MMS22L: variants seen among roughly 807,000 people sequenced by gnomAD.
MMS22L encodes protein MMS22-like.
A neutral mutation model predicts 159.1 loss-of-function variants in MMS22L; 74 were observed. The ratio of observed to expected loss-of-function variants is 0.47; its 90% CI spans 0.39 to 0.56. The LOEUF (loss-of-function observed/expected upper bound fraction) is 0.56. Ranked by LOEUF, MMS22L falls within the 20% of genes least tolerant of loss-of-function variation. The pLI is 0.00. For missense variants in MMS22L, 1,351 were observed against 1,422.1 expected, an observed-to-expected ratio of 0.95 and a Z score of 0.80; for synonymous variants, 517 against 506.9, an observed-to-expected ratio of 1.02 and a Z score of -0.27.
rs546162468 is a variant in MMS22L, at chr6:97,196,218, C to T, written c.2040-9528G>A. On this transcript the variant is annotated intron_variant, in intron 14 of 24. Coordinates refer to ENST00000683635, the MANE Select transcript of MMS22L (RefSeq NM_001350599.2). Reference sequence around the variant, plus strand: ...TTTCAAAGAATGTACAGTTAAGTGCCGAGACAGAGGTATGTAAAGAGTAAA... The same window carrying T: ...TTTCAAAGAATGTACAGTTAAGTGCTGAGACAGAGGTATGTAAAGAGTAAA... 4.0e-5 allele frequency among the ~76,000 whole-genome samples: 6 copies of T among 151,656 alleles called. No individual in the cohort carries two copies. In the South Asian group the frequency reaches 8.4e-4, roughly 21 times the overall value.
intron 13 of MMS22L, 24 bp downstream of exon 13, chr6:97,231,402 C>T: frequency 6.6e-7 from 1 of 1,526,682 alleles, no homozygotes; most frequent in Non-Finnish European, 9.1e-7. Context: ...AGTGCACACT[C>T]ATGACAGAAG....
At chr6:97,253,981 G>C (rs1167175699) in intron 10 of MMS22L, 1 of 152,286 alleles carries the variant, frequency 6.6e-6, no homozygotes, top group Admixed American at 6.5e-5. Flanking sequence ...ACATCTGTTA[G>C]CTGATTTTAT....
chr6:97,246,327 T>C (rs929001678), intron 11 of MMS22L, among the ~76,000 whole-genome samples: 27 of 152,194 alleles, frequency 1.8e-4, no homozygotes, highest in Admixed American at 9.2e-4. Flanking sequence ...TCCCTCATTG[T>C]GTCACCTAGT....
chr6:97,216,361 C>G (rs2127962648), intron 14 of MMS22L, among the ~76,000 whole-genome samples: 1 of 151,940 alleles, frequency 6.6e-6, no homozygotes, highest in South Asian at 2.1e-4. Context: ...CCCTCACTGT[C>G]ATATTACATC....
At chr6:97,172,182 A>G (rs904542272) in intron 19 of MMS22L, among the ~76,000 whole-genome samples, 2 of 152,126 alleles carry the variant, frequency 1.3e-5, no homozygotes, top group Non-Finnish European at 2.9e-5. Flanking sequence ...TTTACTATTA[A>G]ACTTATAAAT....
intron 15 of MMS22L, among the ~76,000 whole-genome samples, chr6:97,183,695 G>A (rs1582507301): frequency 6.6e-6 from 1 of 152,204 alleles, no homozygotes; most frequent in African/African-American, 2.4e-5. Flanking sequence ...CCACATTTAC[G>A]CAGTTGCCTT....
intron 14 of MMS22L, among the ~76,000 whole-genome samples, chr6:97,196,610 G>C (rs2128294332): frequency 6.6e-6 from 1 of 152,228 alleles, no homozygotes; most frequent in Non-Finnish European, 1.5e-5. Context: ...CTGGAAATGA[G>C]AGAAAACCAA....
rs1805671539 is a variant in MMS22L, at chr6:97,189,716, T to A, written c.2040-3026A>T. Among the ~76,000 whole-genome samples, 4 of 151,934 alleles carry A rather than the reference T, an allele frequency of 2.6e-5. No individual in the cohort carries two copies. In the South Asian group the frequency reaches 8.3e-4, roughly 32 times the overall value. On this transcript the variant is annotated intron_variant, in intron 14 of 24. Transcript: ENST00000683635. ...AGACACTGACCCCAAACCACACTTG[T>A]GTTGGAAATGTGCACCCACTTTGTG...
intron 22 of MMS22L, among the ~76,000 whole-genome samples, chr6:97,160,860 C>T (rs902649499): frequency 1.3e-5 from 2 of 151,930 alleles, no homozygotes; most frequent in African/African-American, 4.8e-5. Context: ...ATTCTTTCTT[C>T]TGCCAGTTCT....
At chr6:97,150,415 T>C (rs1801203948) in intron 23 of MMS22L, among the ~76,000 whole-genome samples, 1 of 152,206 alleles carries the variant, frequency 6.6e-6, no homozygotes, top group Admixed American at 6.5e-5. Context: ...TGTAGCTCTA[T>C]ATAAGTCAAA....
At chr6:97,190,186 G>A (rs1805721987) in intron 14 of MMS22L, among the ~76,000 whole-genome samples, 1 of 152,056 alleles carries the variant, frequency 6.6e-6, no homozygotes, top group African/African-American at 2.4e-5. Context: ...CAATGTAAAA[G>A]AAAACACAAA....
intron 6 of MMS22L, chr6:97,270,612 C>T (rs950013706): frequency 7.8e-5 from 14 of 179,594 alleles, no homozygotes; most frequent in Non-Finnish European, 2.4e-5. Context: ...AAAATAAATA[C>T]AATGACATAA....
intron 19 of MMS22L, among the ~76,000 whole-genome samples, chr6:97,169,340 G>A (rs1458297938): frequency 1.3e-5 from 2 of 151,976 alleles, no homozygotes; most frequent in Admixed American, 6.6e-5. Flanking sequence ...TATTACTATT[G>A]AGGTCTCCTT....
In MMS22L at chr6:97,273,189, T is replaced by C. The variant is rs184563955; in HGVS notation, c.341-127A>G. The stretch of plus-strand genomic sequence containing the variant: ...ACATTTTATATTAAACATTCTCTTA[T>C]GGTTCTTGCTCCCCGCTACTCCTCA... On this transcript the variant is annotated intron_variant, in intron 4 of 24. Coordinates refer to ENST00000683635, the MANE Select transcript of MMS22L (RefSeq NM_001350599.2). 2.7e-3 allele frequency: 2,055 copies of C among 754,826 alleles called. 38 individuals carry two copies. Among genetic ancestry groups the C allele is most frequent in the South Asian group, 0.017 (951 of 56,260 alleles). The allele number at this position is 754,826 out of a possible 1,614,324, so 46.8% of individuals were successfully genotyped here. A position where few individuals can be genotyped will look rare whatever the true frequency, so the allele number is the denominator to read the frequency against.
rs1800942885 is a variant in MMS22L at position 97,146,782 on chromosome 6, A to T, written c.*24T>A. 1.4e-6 allele frequency: 2 copies of T among 1,453,952 alleles called. No homozygotes were observed. Among genetic ancestry groups the T allele is most frequent in the South Asian group, 2.5e-5 (2 of 81,274 alleles). The allele number at this position is 1,453,952 out of a possible 1,614,324, so 90.1% of individuals were successfully genotyped here. On this transcript the variant is annotated 3_prime_UTR_variant, in exon 25 of 25. Transcript: ENST00000683635. ...GTGGCTTTAGATACTGATAATTAAT[A>T]GACAGGATGAATCACAAAATATATT...
chr6:97,172,831 A>G (rs991870668), intron 19 of MMS22L, among the ~76,000 whole-genome samples: 2 of 152,174 alleles, frequency 1.3e-5, no homozygotes, highest in Admixed American at 6.6e-5. Flanking sequence ...TATTTTCTGT[A>G]TTGATCATAA....
intron 10 of MMS22L, among the ~76,000 whole-genome samples, chr6:97,250,129 C>A (rs1422201031): frequency 3.3e-5 from 5 of 152,078 alleles, no homozygotes; most frequent in Non-Finnish European, 5.9e-5. Context: ...TCACTTTGGG[C>A]AGCTACAGCA....
chr6:97,180,792 C>G lies in MMS22L; in HGVS notation c.2384+1112G>C, dbSNP rs6928577. 5.1e-3 allele frequency among the ~76,000 whole-genome samples: 770 copies of G among 152,170 alleles called. 6 individuals carry two copies. The highest frequency in any genetic ancestry group is 0.017 in the African/African-American group (722 of 41,500). ...AACTGGAAGGGATTGTAAAAGTAAT[C>G]CAACTGAATTTGAACTCTCTTACCT... On this transcript the variant is annotated intron_variant, in intron 16 of 24. Coordinates refer to ENST00000683635, the MANE Select transcript of MMS22L (RefSeq NM_001350599.2).
chr6:97,231,965 A>G (rs769759955), intron 12 of MMS22L, among the ~76,000 whole-genome samples: 17 of 152,082 alleles, frequency 1.1e-4, no homozygotes, highest in Non-Finnish European at 1.9e-4. Flanking sequence ...AAGTTTCCCA[A>G]TGTTTTTGTT....
Sources: gnomAD v4.1 joint callset for allele counts (sites outside exome capture counted in the v4.1 genomes callset) on GRCh38, gnomAD v4.1.1 for gene constraint, MANE v1.5 for transcripts, NCBI Gene and HGNC (gene_info 2026-07-23, HGNC 2026-07-21) for gene names.